GDPD4: variants seen among roughly 807,000 people sequenced by gnomAD.
The protein encoded by GDPD4 is glycerophosphodiester phosphodiesterase 6.
In GDPD4, 60 loss-of-function variants were observed where a neutral mutation model predicts 67.8. The ratio of observed to expected loss-of-function variants is 0.88; its 90% CI spans 0.72 to 1.10. The LOEUF is 1.10. GDPD4 is among the 50% of genes least tolerant of loss of function. The pLI is 0.00. For synonymous variants in GDPD4, 212 were observed against 210.9 expected, an observed-to-expected ratio of 1.00 and a Z score of -0.04; for missense variants, 623 against 613.9, an observed-to-expected ratio of 1.01 and a Z score of -0.16.
chr11:77,294,960 CTTTTTTTTTTTTTT>C (rs144796072), intron 1 of GDPD4, among the ~76,000 whole-genome samples: 1 of 66,384 alleles, frequency 1.5e-5, no homozygotes. Context: ...TACAACTTTG[CTTTTTTTTTTTTTT>C]TTTTTTTTTT....
At chr11:77,226,712 C>T (rs114433141) in intron 16 of GDPD4, among the ~76,000 whole-genome samples, 42 of 152,252 alleles carry the variant, frequency 2.8e-4, no homozygotes, top group Non-Finnish European at 4.3e-4. Flanking sequence ...GACTTTGTAA[C>T]GTAGCCAGTA....
chr11:77,292,702 T>A (rs192016822), intron 1 of GDPD4, among the ~76,000 whole-genome samples: 2 of 152,104 alleles, frequency 1.3e-5, no homozygotes, highest in African/African-American at 4.8e-5. Context: ...CCAACCAGGA[T>A]CATTAAGGAG....
In GDPD4 at chr11:77,268,945, A is replaced by G; in HGVS notation, c.603T>C (p.Phe201=). 1 of 1,614,106 alleles carries G rather than the reference A, an allele frequency of 6.2e-7. No homozygotes were observed. The highest frequency in any genetic ancestry group is 8.5e-7 in the Non-Finnish European group (1 of 1,179,974). The part of the protein sequence containing the change: ...KENLGPKPTI[F]GHRGAPMLGP... The stretch of plus-strand genomic sequence containing the variant: ...CTACCATGGGTGCACCTCTATGTCC[A>G]AAGATGGTTGGCTTGGGCCCCAAAT... The change falls in exon 9 of 17, where the codon TTT becomes TTC. Residue 201 remains phenylalanine (F), a synonymous_variant. Coordinates refer to ENST00000315938, the MANE Select transcript of GDPD4 (RefSeq NM_182833.3).
At chr11:77,236,732 A>C (rs1565513645) in intron 13 of GDPD4, among the ~76,000 whole-genome samples, 1 of 151,452 alleles carries the variant, frequency 6.6e-6, no homozygotes, top group Non-Finnish European at 1.5e-5. Flanking sequence ...AGAAGGAAAC[A>C]CACACACACA....
At chr11:77,270,856 A>G (rs1030176655) in intron 7 of GDPD4, 23 of 370,138 alleles carry the variant, frequency 6.2e-5, no homozygotes, top group South Asian at 1.9e-4. Context: ...CAGACAGTCA[A>G]TGTATAATAA....
intron 13 of GDPD4, among the ~76,000 whole-genome samples, chr11:77,235,965 CA>C (rs60173558): frequency 3.3e-5 from 4 of 122,448 alleles, no homozygotes; most frequent in Admixed American, 1.6e-4. Context: ...CTATTAAAAA[CA>C]AAAAAAAAAC....
chr11:77,285,138 C>G lies in GDPD4; in HGVS notation c.-1G>C, dbSNP rs1959940909. ...TTTCTATCCACAGGAACAGCAACAT[C>G]AGAGACAAGACAAATGAAATTACCA... is the stretch of plus-strand genomic sequence containing the variant. On this transcript the variant is annotated 5_prime_UTR_variant, in exon 3 of 17. Coordinates refer to ENST00000315938, the MANE Select transcript of GDPD4 (RefSeq NM_182833.3). 1.2e-6 allele frequency: 2 copies of G among 1,610,546 alleles called. No homozygotes were observed. The highest frequency in any genetic ancestry group is 4.5e-5 in the East Asian group (2 of 44,814).
intron 5 of GDPD4, among the ~76,000 whole-genome samples, chr11:77,274,169 G>C (rs1198577675): frequency 6.6e-6 from 1 of 152,136 alleles, no homozygotes; most frequent in South Asian, 2.1e-4. Context: ...TATCAATAAG[G>C]CCTATTTGTT....
intron 1 of GDPD4, among the ~76,000 whole-genome samples, chr11:77,289,310 C>T (rs1423913650): frequency 6.9e-6 from 1 of 145,842 alleles, no homozygotes; most frequent in African/African-American, 2.5e-5. Context: ...TTGCAGTGAG[C>T]CAAGATCGCA....
rs1057016456 is a variant in GDPD4 at position 77,297,513 on chromosome 11, A to G, written c.-254+4092T>C. On this transcript the variant is annotated intron_variant, in intron 1 of 16. Coordinates refer to ENST00000315938, the MANE Select transcript of GDPD4 (RefSeq NM_182833.3). The stretch of plus-strand genomic sequence containing the variant: ...ATCCCACCACTGCACTCCAGCCTGG[A>G]CGACAGAGCGAGACTCCGTCTCAGA... Among the ~76,000 whole-genome samples, 6 of 150,036 alleles carry G rather than the reference A, an allele frequency of 4.0e-5. No individual in the cohort carries two copies. The South Asian group carries it at 6.4e-4, about 16-fold the overall frequency.
intron 14 of GDPD4, 92 bp downstream of exon 14, chr11:77,232,933 C>G: frequency 2.6e-6 from 3 of 1,166,758 alleles, no homozygotes; most frequent in Non-Finnish European, 1.2e-6. Context: ...TAAGTGGCTG[C>G]CCAGGGGATG....
chr11:77,232,972 C>A lies in GDPD4; in HGVS notation c.1389+53G>T, dbSNP rs541505921. 2.5e-5 allele frequency: 39 copies of A among 1,579,470 alleles called. No individual in the cohort carries two copies. In the South Asian group the frequency reaches 4.0e-4, roughly 16 times the overall value. On this transcript the variant is annotated intron_variant, in intron 14 of 16. Coordinates refer to ENST00000315938, the MANE Select transcript of GDPD4 (RefSeq NM_182833.3). ...CAGTGGGCAACACAGGGCTGGGGGG[C>A]CTGCACTGCTATCATACCAAGCCTG... is the stretch of plus-strand genomic sequence containing the variant.
At chr11:77,268,079 A>G (rs1451783346) in intron 10 of GDPD4, among the ~76,000 whole-genome samples, 2 of 152,124 alleles carry the variant, frequency 1.3e-5, no homozygotes, top group Non-Finnish European at 2.9e-5. Context: ...GTATGACTAC[A>G]TCTTATTCAT....
At chr11:77,248,051 C>CAAAAAAAAAAAAAAAAAAAAAAAA (rs34252021) in intron 11 of GDPD4, among the ~76,000 whole-genome samples, 3 of 62,696 alleles carry the variant, frequency 4.8e-5, no homozygotes, top group African/African-American at 1.6e-4. Context: ...AACTCCGTCT[C>CAAAAAAAAAAAAAAAAAAAAAAAA]AAAAAAAAAA....
At chr11:77,270,994 G>T (rs1247089102) in intron 7 of GDPD4, 136 bp downstream of exon 7, 11 of 653,138 alleles carry the variant, frequency 1.7e-5, no homozygotes, top group Admixed American at 3.0e-5. Context: ...ACAGGAGCAT[G>T]CCTGAGTAAC....
chr11:77,250,335 C>T (rs1053176772), intron 11 of GDPD4, among the ~76,000 whole-genome samples: 20 of 152,106 alleles, frequency 1.3e-4, no homozygotes, highest in Admixed American at 8.5e-4. Context: ...TGAGAACATG[C>T]AGTATTTGGT....
At chr11:77,272,700 C>T (rs1439251635) in intron 5 of GDPD4, among the ~76,000 whole-genome samples, 3 of 151,732 alleles carry the variant, frequency 2.0e-5, no homozygotes, top group Non-Finnish European at 2.9e-5. Flanking sequence ...CGCTTGAACC[C>T]GGGAGGCAGA....
intron 11 of GDPD4, among the ~76,000 whole-genome samples, chr11:77,257,004 A>G (rs1006327611): frequency 6.6e-6 from 1 of 152,220 alleles, no homozygotes; most frequent in Admixed American, 6.5e-5. Flanking sequence ...CCCTATTTTT[A>G]CATGAAACAT....
intron 10 of GDPD4, 36 bp from the exon 11 acceptor site, chr11:77,258,578 T>C: frequency 3.7e-6 from 6 of 1,607,640 alleles, no homozygotes; most frequent in African/African-American, 1.3e-5. Context: ...CAGGGGTAGA[T>C]AGGCTGAATT....
Sources: allele counts gnomAD v4.1 joint callset (sites outside exome capture counted in the v4.1 genomes callset), GRCh38; gene constraint gnomAD v4.1.1; transcripts MANE v1.5; gene names NCBI Gene and HGNC (gene_info 2026-07-23, HGNC 2026-07-21).